The following CCND3 variants were observed in gnomAD, a reference collection of about 807,000 sequenced individuals.
The protein encoded by CCND3 is G1/S-specific cyclin-D3.
Under a neutral mutation model 28.7 loss-of-function variants are expected in CCND3, and 9 were observed. That is an observed-to-expected ratio of 0.31 (90% CI 0.19 to 0.55). CCND3 has a LOEUF of 0.55. Ranked by LOEUF, CCND3 falls within the 20% of genes least tolerant of loss-of-function variation. The pLI is 0.93. For missense variants in CCND3, 315 were observed against 385.8 expected (o/e 0.82, Z 1.54); for synonymous variants, 164 against 163.9 (o/e 1.00, Z 0.00).
intron 1 of CCND3, among the ~76,000 whole-genome samples, chr6:42,005,841 G>A (rs1439961898): frequency 6.6e-6 from 1 of 151,878 alleles, no homozygotes; most frequent in African/African-American, 2.4e-5. Flanking sequence ...CCGCCACCAT[G>A]CCTGGCTAAT....
chr6:41,977,205 G>A (rs1762209098), intron 1 of CCND3, among the ~76,000 whole-genome samples: 1 of 152,022 alleles, frequency 6.6e-6, no homozygotes, highest in African/African-American at 2.4e-5. Context: ...ACATTTCAAA[G>A]ACCAATAAAA....
chr6:41,945,852 A>G (rs776200911), upstream of CCND3, among the ~76,000 whole-genome samples: 4 of 152,230 alleles, frequency 2.6e-5, no homozygotes, highest in African/African-American at 9.6e-5. Context: ...TGCCTGGCAC[A>G]AAGCAAGCAT....
At chr6:42,044,038 C>T (rs559956514) in intron 1 of CCND3, among the ~76,000 whole-genome samples, 22 of 152,338 alleles carry the variant, frequency 1.4e-4, no homozygotes, top group Admixed American at 3.3e-4. Context: ...CCTGCTGGCT[C>T]GCAGGGCCGT....
chr6:42,009,154 G>T (rs1763262417), intron 1 of CCND3, among the ~76,000 whole-genome samples: 1 of 152,162 alleles, frequency 6.6e-6, no homozygotes, highest in Non-Finnish European at 1.5e-5. Flanking sequence ...TCCCTCAACT[G>T]TGCCTAGGTC....
chr6:42,025,599 C>T (rs1186318911), intron 1 of CCND3, among the ~76,000 whole-genome samples: 1 of 152,242 alleles, frequency 6.6e-6, no homozygotes, highest in Non-Finnish European at 1.5e-5. Context: ...TCCAATGCTC[C>T]ACTGCCCTCC....
Position 41,941,193 on chromosome 6 carries a change from T to C in CCND3, c.198+259A>G. 6.9e-7 allele frequency: 1 copy of C among 1,440,136 alleles called. No homozygotes were observed. The highest frequency in any genetic ancestry group is 9.1e-7 in the Non-Finnish European group (1 of 1,101,760). The allele number at this position is 1,440,136 out of a possible 1,614,324, so 89.2% of individuals were successfully genotyped here. On this transcript the variant is annotated intron_variant, in intron 1 of 4. Transcript: ENST00000372991. The surrounding 1 kb of genome is among the most constrained non-coding windows in gnomAD (Gnocchi z 6.1). ...GAAGCCGAAGGGGAGAGAGTGTCCT[T>C]GGTCCCGTTTGCTCGGCCCGAAGAG...
chr6:42,041,756 A>G (rs1325328043), intron 1 of CCND3, among the ~76,000 whole-genome samples: 1 of 152,132 alleles, frequency 6.6e-6, no homozygotes. Flanking sequence ...AGCTTAACAA[A>G]CCAGAGCTTA....
intron 1 of CCND3, among the ~76,000 whole-genome samples, chr6:41,985,407 G>A (rs918385375): frequency 2.0e-5 from 3 of 150,190 alleles, no homozygotes; most frequent in Non-Finnish European, 3.0e-5. Context: ...TCCGCCTCCC[G>A]GGTCCAAGAG....
chr6:41,953,832 G>A (rs776639553), intron 1 of CCND3, among the ~76,000 whole-genome samples: 3 of 152,002 alleles, frequency 2.0e-5, no homozygotes, highest in South Asian at 2.1e-4. Flanking sequence ...AGTGGGGCAC[G>A]GGAGGAAAAC....
At chr6:42,047,451 G>A (rs983083922) in intron 1 of CCND3, among the ~76,000 whole-genome samples, 1 of 152,192 alleles carries the variant, frequency 6.6e-6, no homozygotes, top group Admixed American at 6.5e-5. Context: ...TCCACGTCTG[G>A]TCCCAAAGAG....
intron 1 of CCND3, among the ~76,000 whole-genome samples, chr6:42,013,184 T>C (rs1031349605): frequency 1.3e-5 from 2 of 152,170 alleles, no homozygotes; most frequent in Non-Finnish European, 2.9e-5. Context: ...GATAATCAGA[T>C]AGCAGAGGGA....
At chr6:41,951,720 T>C (rs1433443257) in intron 1 of CCND3, among the ~76,000 whole-genome samples, 2 of 151,926 alleles carry the variant, frequency 1.3e-5, no homozygotes, top group African/African-American at 2.4e-5. Context: ...ATAGTAATAA[T>C]ACTATTAGGT....
chr6:41,963,613 A>G (rs1761778366), intron 1 of CCND3, among the ~76,000 whole-genome samples: 1 of 152,272 alleles, frequency 6.6e-6, no homozygotes, highest in Non-Finnish European at 1.5e-5. Flanking sequence ...CCAAACTCCA[A>G]TCAGAGGGGG....
chr6:42,045,304 C>T (rs6919122), intron 1 of CCND3, among the ~76,000 whole-genome samples: 88,526 of 151,984 alleles, frequency 0.58, 26,345 homozygotes, highest in African/African-American at 0.71. Flanking sequence ...GATAGATCCT[C>T]GTTCAATTCC....
At chr6:42,036,392 TATATA>T (rs1561997980) in intron 1 of CCND3, among the ~76,000 whole-genome samples, 2 of 44,334 alleles carry the variant, frequency 4.5e-5, no homozygotes, top group Non-Finnish European at 8.9e-5. Context: ...TATATATATA[TATATA>T]TATATATTTT....
At chr6:41,963,861 G>A (rs531730132) in intron 1 of CCND3, among the ~76,000 whole-genome samples, 1 of 152,254 alleles carries the variant, frequency 6.6e-6, no homozygotes, top group East Asian at 1.9e-4. Context: ...TCTTTCCCTA[G>A]ATCTCCACAT....
chr6:42,032,203 A>G (rs888781863), intron 1 of CCND3, among the ~76,000 whole-genome samples: 2 of 152,150 alleles, frequency 1.3e-5, no homozygotes, highest in African/African-American at 4.8e-5. Flanking sequence ...CTTCTGCCTC[A>G]GCCTCCTGGG....
intron 1 of CCND3, among the ~76,000 whole-genome samples, chr6:41,968,114 G>T (rs1301859325): frequency 6.6e-6 from 1 of 152,176 alleles, no homozygotes; most frequent in Non-Finnish European, 1.5e-5. Flanking sequence ...GACACAAAAT[G>T]CTGATATCAA....
At chr6:41,950,781 T>C (rs1268068957) in intron 1 of CCND3, among the ~76,000 whole-genome samples, 2 of 150,084 alleles carry the variant, frequency 1.3e-5, no homozygotes, top group African/African-American at 4.9e-5. Context: ...CGATCTCAGC[T>C]CACGGCAAGC....
Sources: gnomAD v4.1 joint callset for allele counts (sites outside exome capture counted in the v4.1 genomes callset) on GRCh38, gnomAD v4.1.1 for gene constraint, Gnocchi (gnomAD v3.1) non-coding constraint, MANE v1.5 for transcripts, NCBI Gene and HGNC (gene_info 2026-07-23, HGNC 2026-07-21) for gene names.